The following ST6GALNAC3 variants were observed in gnomAD, a reference collection of about 807,000 sequenced individuals.
ST6GALNAC3 encodes the protein alpha-N-acetylgalactosaminide alpha-2,6-sialyltransferase 3.
In ST6GALNAC3, 25 loss-of-function variants were observed where a neutral mutation model predicts 32.7. The observed-to-expected ratio is 0.76, with a 90% confidence interval of 0.56 to 1.07. ST6GALNAC3 has a LOEUF of 1.07. ST6GALNAC3 is among the 50% of genes least tolerant of loss of function. The pLI, the probability that ST6GALNAC3 is intolerant of heterozygous loss-of-function variation, is 0.00. For missense variants in ST6GALNAC3, 355 were observed against 382.4 expected, an observed-to-expected ratio of 0.93 and a Z score of 0.60; for synonymous variants, 129 against 133.1, an observed-to-expected ratio of 0.97 and a Z score of 0.21.
intron 3 of ST6GALNAC3, among the ~76,000 whole-genome samples, chr1:76,621,502 A>G (rs539645993): frequency 3.0e-4 from 45 of 152,106 alleles, no homozygotes; most frequent in Non-Finnish European, 4.0e-4. Flanking sequence ...TCCTGTTGAT[A>G]GATAGTACAA....
chr1:76,076,166 G>T (rs1188498609), intron 1 of ST6GALNAC3, among the ~76,000 whole-genome samples: 2 of 152,158 alleles, frequency 1.3e-5, no homozygotes, highest in Non-Finnish European at 2.9e-5. Context: ...TTAGCACAAG[G>T]ACTGAAATAT....
chr1:76,497,318 G>C (rs571004450), intron 3 of ST6GALNAC3, among the ~76,000 whole-genome samples: 2 of 152,158 alleles, frequency 1.3e-5, no homozygotes, highest in African/African-American at 4.8e-5. Context: ...GTCTTGGGGA[G>C]CCTTCCCAAT....
chr1:76,119,062 C>T (rs1648681558), intron 1 of ST6GALNAC3, among the ~76,000 whole-genome samples: 1 of 152,148 alleles, frequency 6.6e-6, no homozygotes, highest in Non-Finnish European at 1.5e-5. Flanking sequence ...ACCTTGTGAT[C>T]CACCCACCAC....
chr1:76,529,668 T>TTG (rs1663132189), intron 3 of ST6GALNAC3, among the ~76,000 whole-genome samples: 1 of 152,184 alleles, frequency 6.6e-6, no homozygotes, highest in South Asian at 2.1e-4. Flanking sequence ...ATTACCAATC[T>TTG]TGTGGCGTTT....
At chr1:76,526,491 C>T (rs1662918350) in intron 3 of ST6GALNAC3, among the ~76,000 whole-genome samples, 1 of 151,200 alleles carries the variant, frequency 6.6e-6, no homozygotes, top group African/African-American at 2.4e-5. Flanking sequence ...ACTAATGAGT[C>T]ATGTCATTAC....
chr1:76,339,279 AG>A (rs1647761612), intron 2 of ST6GALNAC3, among the ~76,000 whole-genome samples: 1 of 152,176 alleles, frequency 6.6e-6, no homozygotes, highest in Admixed American at 6.5e-5. Context: ...TGTAAGTAGA[AG>A]ATGAAGACAG....
intron 1 of ST6GALNAC3, among the ~76,000 whole-genome samples, chr1:76,207,298 T>A (rs1654876159): frequency 6.6e-6 from 1 of 152,254 alleles, no homozygotes; most frequent in Non-Finnish European, 1.5e-5. Context: ...TAGGCTCGCC[T>A]GCCTGTGTGC....
At chr1:76,494,985 G>A (rs1421455076) in intron 3 of ST6GALNAC3, among the ~76,000 whole-genome samples, 1 of 152,106 alleles carries the variant, frequency 6.6e-6, no homozygotes, top group African/African-American at 2.4e-5. Flanking sequence ...CAGTCAGGCA[G>A]GAGGAAATTC....
intron 1 of ST6GALNAC3, among the ~76,000 whole-genome samples, chr1:76,279,257 A>G (rs1322583613): frequency 6.6e-6 from 1 of 152,206 alleles, no homozygotes. Flanking sequence ...AGTGATGGAA[A>G]ACTTTGATAA....
chr1:76,305,772 T>G (rs1221600633), intron 1 of ST6GALNAC3: 2 of 391,776 alleles, frequency 5.1e-6, no homozygotes, highest in East Asian at 1.3e-4. Flanking sequence ...TGAAGTTTAA[T>G]GAGTGTTATC....
At chr1:76,153,277 C>T (rs528692458) in intron 1 of ST6GALNAC3, among the ~76,000 whole-genome samples, 1 of 152,220 alleles carries the variant, frequency 6.6e-6, no homozygotes, top group South Asian at 2.1e-4. Flanking sequence ...TGAAGTTGCC[C>T]GTTCTTGAAG....
intron 3 of ST6GALNAC3, among the ~76,000 whole-genome samples, chr1:76,448,571 G>T (rs1657153248): frequency 6.6e-6 from 1 of 152,290 alleles, no homozygotes; most frequent in South Asian, 2.1e-4. Flanking sequence ...TTGTGGGAGG[G>T]ACCTGGTGGG....
chr1:76,128,984 G>C (rs1443677021), intron 1 of ST6GALNAC3, among the ~76,000 whole-genome samples: 1 of 152,200 alleles, frequency 6.6e-6, no homozygotes, highest in African/African-American at 2.4e-5. Flanking sequence ...CAGGCCATCT[G>C]TCCTAACCCA....
intron 1 of ST6GALNAC3, among the ~76,000 whole-genome samples, chr1:76,099,952 G>A (rs922407336): frequency 4.0e-5 from 6 of 151,860 alleles, no homozygotes; most frequent in Non-Finnish European, 7.4e-5. Context: ...TTGCTTTTAT[G>A]TAGAAATTTT....
intron 3 of ST6GALNAC3, among the ~76,000 whole-genome samples, chr1:76,612,912 G>A (rs1039123885): frequency 6.6e-6 from 1 of 152,222 alleles, no homozygotes; most frequent in African/African-American, 2.4e-5. Context: ...AGAACTTTGT[G>A]CTGACGGAGA....
At chr1:76,121,984 CT>C (rs1379649681) in intron 1 of ST6GALNAC3, among the ~76,000 whole-genome samples, 3 of 152,156 alleles carry the variant, frequency 2.0e-5, no homozygotes, top group Non-Finnish European at 4.4e-5. Flanking sequence ...CCCTCCCTCC[CT>C]TCTTTCATGT....
At chr1:76,435,425 T>C (rs1043345611) in intron 3 of ST6GALNAC3, among the ~76,000 whole-genome samples, 3 of 152,194 alleles carry the variant, frequency 2.0e-5, no homozygotes, top group African/African-American at 4.8e-5. Flanking sequence ...GTCTCCTTTT[T>C]GAGAAATAAG....
intron 3 of ST6GALNAC3, among the ~76,000 whole-genome samples, chr1:76,535,833 C>T (rs192952194): frequency 7.9e-5 from 12 of 151,228 alleles, no homozygotes; most frequent in East Asian, 1.9e-4. Context: ...TTCTCTAGGT[C>T]GAGAGGTAAA....
chr1:76,143,178 G>A (rs1650441554), intron 1 of ST6GALNAC3, among the ~76,000 whole-genome samples: 1 of 152,152 alleles, frequency 6.6e-6, no homozygotes, highest in Non-Finnish European at 1.5e-5. Flanking sequence ...GCAGTAAAGG[G>A]TTTAAAACTA....
Sources: gnomAD v4.1 joint callset for allele counts (sites outside exome capture counted in the v4.1 genomes callset) on GRCh38, gnomAD v4.1.1 for gene constraint, MANE v1.5 for transcripts, NCBI Gene and HGNC (gene_info 2026-07-23, HGNC 2026-07-21) for gene names.